Variants in SATL1 observed in about 807,000 individuals in gnomAD.
The protein encoded by SATL1 is spermidine/spermine N1-acetyl transferase like 1.
In SATL1, 47 loss-of-function variants were observed where a neutral mutation model predicts 51.8. The ratio of observed to expected loss-of-function variants is 0.91; its 90% CI spans 0.72 to 1.16. SATL1 has a LOEUF of 1.16. SATL1 is among the 50% of genes most tolerant of loss of function. The pLI is 0.00. For missense variants in SATL1, 520 were observed against 526.4 expected (o/e 0.99, Z 0.12); for synonymous variants, 176 against 182.4 (o/e 0.97, Z 0.28).
At chrX:85,134,983 A>G (rs1396528598) in intron 2 of SATL1, among the ~76,000 whole-genome samples, 1 of 112,244 alleles carries the variant, frequency 8.9e-6, no homozygotes, top group Admixed American at 9.4e-5. Flanking sequence ...CCCATGGAAT[A>G]CTATGCAGCC....
intron 2 of SATL1, among the ~76,000 whole-genome samples, chrX:85,123,752 C>T (rs752966028): frequency 8.9e-5 from 10 of 111,773 alleles, no homozygotes; most frequent in Non-Finnish European, 1.9e-4. Context: ...GAAACATCCT[C>T]TAAGAACACA....
At chrX:85,194,023 G>T (rs1927498881) in intron 2 of SATL1, among the ~76,000 whole-genome samples, 1 of 111,566 alleles carries the variant, frequency 9.0e-6, no homozygotes, top group African/African-American at 3.3e-5. Context: ...ATATTCCTCT[G>T]GGTATATACC....
intron 3 of SATL1, among the ~76,000 whole-genome samples, chrX:85,105,736 A>G (rs1925022788): frequency 8.9e-6 from 1 of 112,339 alleles, no homozygotes; most frequent in African/African-American, 3.2e-5. Context: ...CTGCAAGGAG[A>G]GAATGTTTTG....
intron 1 of SATL1, among the ~76,000 whole-genome samples, chrX:85,241,898 C>A (rs761199042): frequency 9.0e-6 from 1 of 111,352 alleles, no homozygotes; most frequent in Non-Finnish European, 1.9e-5. Context: ...TGGGGAGAAT[C>A]GATTTGATAT....
Position 85,224,253 on chromosome X carries a change from CACT to C in SATL1, c.-364_-362del, listed in dbSNP as rs1227331521. ...GGTATTTCTTGGCTTGTAGCCACAC[CACT>C]GTGATCTCTGCCTCCCTTTTCACAT... On this transcript the variant is annotated 5_prime_UTR_variant, in exon 2 of 8. Coordinates refer to ENST00000644105, the MANE Select transcript of SATL1 (RefSeq NM_001367857.2). 2.7e-5 allele frequency: 3 copies of C among 110,474 alleles called. No individual in the cohort carries two copies. Among genetic ancestry groups the C allele is most frequent in the Non-Finnish European group, 5.7e-5 (3 of 52,728 alleles). 9.1% of individuals were successfully genotyped at this position (110,474 alleles called of 1,213,427 possible).
rs899786761 is a variant in SATL1, at chrX:85,107,228, A to G, written c.1641+100T>C. Reference sequence around the variant, plus strand: ...AGTAACTACCAGAGGTTATGAACACATAACTAGCAGAGGCAGAATTCGAAC... The same window carrying G: ...AGTAACTACCAGAGGTTATGAACACGTAACTAGCAGAGGCAGAATTCGAAC... On this transcript the variant is annotated intron_variant, in intron 3 of 7. Coordinates refer to ENST00000644105, the MANE Select transcript of SATL1 (RefSeq NM_001367857.2). 7 of 622,150 alleles carry G rather than the reference A, an allele frequency of 1.1e-5. No individual in the cohort carries two copies. The African/African-American group carries it at 1.6e-4, about 14-fold the overall frequency. The allele number at this position is 622,150 out of a possible 1,213,427, so 51.3% of individuals were successfully genotyped here. A position where few individuals can be genotyped will look rare whatever the true frequency, so the allele number is the denominator to read the frequency against.
intron 2 of SATL1, among the ~76,000 whole-genome samples, chrX:85,165,263 C>T (rs887745689): frequency 5.4e-5 from 6 of 110,697 alleles, no homozygotes; most frequent in Admixed American, 1.9e-4. Context: ...TTGTCTTGGT[C>T]GGATTAGGTT....
intron 1 of SATL1, among the ~76,000 whole-genome samples, chrX:85,237,274 A>T (rs147546517): frequency 9.0e-6 from 1 of 111,452 alleles, no homozygotes; most frequent in Admixed American, 9.5e-5. Flanking sequence ...AACTGGAGGA[A>T]TCACATTACC....
rs887210608 is a variant in SATL1, at chrX:85,139,422, C to G, written c.-312-30142G>C. On this transcript the variant is annotated intron_variant, in intron 2 of 7. Transcript: ENST00000644105. Reference sequence around the variant, plus strand: ...ACAGTAACCCACTGAGGTACATGCTCTGTTATTCTCATTTTACAGATGGAG... The same window carrying G: ...ACAGTAACCCACTGAGGTACATGCTGTGTTATTCTCATTTTACAGATGGAG... 2.7e-5 allele frequency among the ~76,000 whole-genome samples: 3 copies of G among 111,634 alleles called. No individual in the cohort carries two copies. In the East Asian group the frequency reaches 8.4e-4, roughly 31 times the overall value.
intron 2 of SATL1, among the ~76,000 whole-genome samples, chrX:85,199,762 G>T (rs2147749784): frequency 9.0e-6 from 1 of 111,648 alleles, no homozygotes; most frequent in African/African-American, 3.3e-5. Flanking sequence ...GTAGAATAAG[G>T]TTGCCAGAGG....
intron 1 of SATL1, among the ~76,000 whole-genome samples, chrX:85,226,829 C>T (rs1928284439): frequency 9.0e-6 from 1 of 110,916 alleles, no homozygotes; most frequent in Admixed American, 9.6e-5. Context: ...ATCTCTCCAG[C>T]ACACTCCTTT....
At chrX:85,182,015 G>A (rs1245588846) in intron 2 of SATL1, among the ~76,000 whole-genome samples, 2 of 111,191 alleles carry the variant, frequency 1.8e-5, no homozygotes, top group Non-Finnish European at 3.8e-5. Context: ...CAGTGATATT[G>A]TTATGCATAT....
At chrX:85,243,045 G>A (rs766982533) in intron 1 of SATL1, among the ~76,000 whole-genome samples, 7 of 112,224 alleles carry the variant, frequency 6.2e-5, no homozygotes, top group Non-Finnish European at 1.3e-4. Context: ...TACTGTGCTA[G>A]GACTTTCACA....
At chrX:85,119,930 G>C (rs893487365) in intron 2 of SATL1, among the ~76,000 whole-genome samples, 3 of 111,244 alleles carry the variant, frequency 2.7e-5, no homozygotes, top group Non-Finnish European at 3.8e-5. Context: ...CGAATAAAAG[G>C]CTAAAATAAA....
intron 2 of SATL1, among the ~76,000 whole-genome samples, chrX:85,220,573 C>T (rs1396677817): frequency 2.1e-5 from 2 of 97,205 alleles, no homozygotes; most frequent in African/African-American, 7.6e-5. Flanking sequence ...TCAGCCACAG[C>T]AGCATAGGGC....
chrX:85,158,747 C>T (rs932862937), intron 2 of SATL1, among the ~76,000 whole-genome samples: 1 of 111,277 alleles, frequency 9.0e-6, no homozygotes, highest in Admixed American at 9.6e-5. Context: ...ATAGAAGCAA[C>T]AAATATGGAT....
At chrX:85,156,023 A>G (rs1926577499) in intron 2 of SATL1, among the ~76,000 whole-genome samples, 1 of 111,719 alleles carries the variant, frequency 9.0e-6, no homozygotes, top group Non-Finnish European at 1.9e-5. Context: ...TAAAATTTTA[A>G]TGGTATAATT....
intron 2 of SATL1, among the ~76,000 whole-genome samples, chrX:85,216,568 G>A (rs889785741): frequency 3.6e-5 from 4 of 111,342 alleles, no homozygotes; most frequent in South Asian, 3.9e-4. Flanking sequence ...GCCACTGTCA[G>A]CTCCTAGAAG....
intron 2 of SATL1, among the ~76,000 whole-genome samples, chrX:85,206,764 T>TAATA (rs756402323): frequency 9.0e-6 from 1 of 111,608 alleles, no homozygotes; most frequent in African/African-American, 3.2e-5. Flanking sequence ...ATCTATATGT[T>TAATA]AATAGAAATG....
Sources: allele counts gnomAD v4.1 joint callset (sites outside exome capture counted in the v4.1 genomes callset), GRCh38; gene constraint gnomAD v4.1.1; transcripts MANE v1.5; gene names NCBI Gene and HGNC (gene_info 2026-07-23, HGNC 2026-07-21).